ZC2HC1B: variants seen among roughly 807,000 people sequenced by gnomAD.
ZC2HC1B encodes the protein zinc finger C2HC-type containing 1B.
A neutral mutation model predicts 31.0 loss-of-function variants in ZC2HC1B; 36 were observed. The observed-to-expected ratio is 1.16, with a 90% CI of 0.89 to 1.54. The LOEUF (loss-of-function observed/expected upper bound fraction) is 1.54. Ranked by LOEUF, ZC2HC1B falls within the 40% of genes most tolerant of loss-of-function variation. ZC2HC1B has a pLI of 0.00. For synonymous variants in ZC2HC1B, 73 were observed against 88.0 expected, an observed-to-expected ratio of 0.83 and a Z score of 0.95; for missense variants, 260 against 268.6, an observed-to-expected ratio of 0.97 and a Z score of 0.22.
At position 143,922,824 on chromosome 6, in the gene ZC2HC1B, G is replaced by T. The variant is rs1354748052; in HGVS notation, c.599-14825G>T. Among the ~76,000 whole-genome samples the T allele has an allele frequency of 6.6e-6, 1 of 152,012 alleles. No individual in the cohort carries two copies. Among genetic ancestry groups the T allele is most frequent in the Non-Finnish European group, 1.5e-5 (1 of 67,974 alleles). ...TCCTGCCATAAACAAGAGGATATGGGTATCCCTTTGATATACTGATTTCCT... is the reference window on the plus strand; with the variant it reads ...TCCTGCCATAAACAAGAGGATATGGTTATCCCTTTGATATACTGATTTCCT... On this transcript the variant is annotated intron_variant, in intron 6 of 7. Coordinates refer to ENST00000237275, the MANE Select transcript of ZC2HC1B (RefSeq NM_001013623.3). The surrounding 1 kb of genome is among the most constrained non-coding windows in gnomAD (Gnocchi z 5.0).
chr6:143,914,411 A>T lies in ZC2HC1B; in HGVS notation c.598+11259A>T, dbSNP rs148647897. ...AATTTTATAGTTTTATTTCTGCTTT[A>T]TCTCACCGTGGTTGGAGAAGACACT... On this transcript the variant is annotated intron_variant, in intron 6 of 7. Transcript: ENST00000237275. Among the ~76,000 whole-genome samples, 294 of 152,250 alleles carry T rather than the reference A, an allele frequency of 1.9e-3. 6 individuals are homozygous for T. Among genetic ancestry groups the T allele is most frequent in the East Asian group, 0.013 (66 of 5,186 alleles).
chr6:143,925,832 G>A (rs912326156), intron 6 of ZC2HC1B, among the ~76,000 whole-genome samples: 1 of 152,044 alleles, frequency 6.6e-6, no homozygotes, highest in African/African-American at 2.4e-5. Flanking sequence ...ACGGTGCCCA[G>A]CCCTGATTTA....
intron 6 of ZC2HC1B, among the ~76,000 whole-genome samples, chr6:143,931,440 G>A (rs772390177): frequency 1.3e-5 from 2 of 151,930 alleles, no homozygotes; most frequent in African/African-American, 2.4e-5. Context: ...TGAGATTTAT[G>A]CTTTAAAGAG....
chr6:143,903,699 T>G lies in ZC2HC1B; in HGVS notation c.598+547T>G, dbSNP rs1055691393. Among the ~76,000 whole-genome samples, 1 of 152,182 alleles carries G rather than the reference T, an allele frequency of 6.6e-6. No homozygotes were observed. Among genetic ancestry groups the G allele is most frequent in the Non-Finnish European group, 1.5e-5 (1 of 68,024 alleles). ...CAGGGGATTGGTCCCAGGGCCCTAG[T>G]GGGTACCAAAACCTGAGATGTTGAA... On this transcript the variant is annotated intron_variant, in intron 6 of 7. Coordinates refer to ENST00000237275, the MANE Select transcript of ZC2HC1B (RefSeq NM_001013623.3). This position sits in a 1 kb window ranked among gnomAD's most constrained non-coding sequence, Gnocchi z 4.3.
chr6:143,935,101 C>T (rs1778160644), intron 6 of ZC2HC1B, among the ~76,000 whole-genome samples: 1 of 148,558 alleles, frequency 6.7e-6, no homozygotes, highest in South Asian at 2.2e-4. Flanking sequence ...CATCCTTAGT[C>T]CCCTAGGAGG....
At chr6:143,894,121 C>G (rs758519022) in intron 4 of ZC2HC1B, among the ~76,000 whole-genome samples, 4 of 152,060 alleles carry the variant, frequency 2.6e-5, no homozygotes, top group Admixed American at 2.6e-4. Context: ...ATTCATATAG[C>G]GTAAACTGGA....
chr6:143,888,056 T>C (rs1312589330), intron 4 of ZC2HC1B, among the ~76,000 whole-genome samples: 1 of 152,152 alleles, frequency 6.6e-6, no homozygotes, highest in African/African-American at 2.4e-5. Context: ...TTTAGATTTT[T>C]TAAAATCTAT....
intron 6 of ZC2HC1B, among the ~76,000 whole-genome samples, chr6:143,928,916 G>C (rs949218325): frequency 2.7e-5 from 4 of 150,310 alleles, no homozygotes; most frequent in African/African-American, 9.8e-5. Context: ...GTATAGAAAT[G>C]CTACTGATTT....
Position 143,911,310 on chromosome 6 carries a change from T to A in ZC2HC1B, c.598+8158T>A, listed in dbSNP as rs1777853020. 6.6e-6 allele frequency among the ~76,000 whole-genome samples: 1 copy of A among 152,232 alleles called. No individual in the cohort carries two copies. Among genetic ancestry groups the A allele is most frequent in the Non-Finnish European group, 1.5e-5 (1 of 68,042 alleles). ...TTAGTATTGTTATGTGTGAATTAGA[T>A]CCTGTCATCATGATGCTAGTTAGTT... On this transcript the variant is annotated intron_variant, in intron 6 of 7. Coordinates refer to ENST00000237275, the MANE Select transcript of ZC2HC1B (RefSeq NM_001013623.3). The surrounding 1 kb of genome is among the most constrained non-coding windows in gnomAD (Gnocchi z 4.5).
chr6:143,882,356 A>T (rs1482996665), intron 1 of ZC2HC1B, among the ~76,000 whole-genome samples: 2 of 138,548 alleles, frequency 1.4e-5, no homozygotes, highest in African/African-American at 5.7e-5. Flanking sequence ...ATATATATAT[A>T]TATATATATA....
chr6:143,882,138 C>A (rs568691850), intron 1 of ZC2HC1B, among the ~76,000 whole-genome samples: 1 of 151,408 alleles, frequency 6.6e-6, no homozygotes, highest in South Asian at 2.1e-4. Flanking sequence ...TAGTACTAAC[C>A]CTGTCTTATA....
At chr6:143,888,021 T>C (rs532680151) in intron 4 of ZC2HC1B, among the ~76,000 whole-genome samples, 2 of 152,264 alleles carry the variant, frequency 1.3e-5, no homozygotes, top group South Asian at 4.1e-4. Flanking sequence ...GCCCATGCTT[T>C]CTTCTTTTAG....
In ZC2HC1B at chr6:143,886,661, T is replaced by C. The variant is rs1260485202; in HGVS notation, c.211-22T>C. 2.6e-6 allele frequency: 4 copies of C among 1,514,944 alleles called. No individual in the cohort carries two copies. Among genetic ancestry groups the C allele is most frequent in the Non-Finnish European group, 2.6e-6 (3 of 1,132,272 alleles). 93.8% of individuals were successfully genotyped at this position (1,514,944 alleles called of 1,614,324 possible). ...AGAGGTATATAGTCTAGGGTATTAT[T>C]TGTTGGTTTTATTTTTTACAGTCTC... On this transcript the variant is annotated intron_variant, in intron 3 of 7. Coordinates refer to ENST00000237275, the MANE Select transcript of ZC2HC1B (RefSeq NM_001013623.3). This position sits in a 1 kb window ranked among gnomAD's most constrained non-coding sequence, Gnocchi z 4.2.
At chr6:143,935,826 T>G (rs1289192351) in intron 6 of ZC2HC1B, among the ~76,000 whole-genome samples, 1 of 151,950 alleles carries the variant, frequency 6.6e-6, no homozygotes, top group African/African-American at 2.4e-5. Context: ...AGATAATTTT[T>G]TTTATTTGTA....
At position 143,899,611 on chromosome 6, in the gene ZC2HC1B, A is replaced by G. The variant is rs1474910875; in HGVS notation, c.489+920A>G. 6.6e-6 allele frequency among the ~76,000 whole-genome samples: 1 copy of G among 152,170 alleles called. No homozygotes were observed. Among genetic ancestry groups the G allele is most frequent in the Non-Finnish European group, 1.5e-5 (1 of 68,038 alleles). On this transcript the variant is annotated intron_variant, in intron 5 of 7. Transcript: ENST00000237275. This position sits in a 1 kb window ranked among gnomAD's most constrained non-coding sequence, Gnocchi z 5.0. The stretch of plus-strand genomic sequence containing the variant: ...AGGCTGGTCTCAAACTCCTGGGCCC[A>G]AGCAATCTGCCCTCTTCAGCCTCCC...
rs1006242624 is a variant in ZC2HC1B, at chr6:143,922,457, C to T, written c.599-15192C>T. Among the ~76,000 whole-genome samples, 6 of 152,192 alleles carry T rather than the reference C, an allele frequency of 3.9e-5. No homozygotes were observed. The highest frequency in any genetic ancestry group is 2.6e-4 in the Admixed American group (4 of 15,284). ...ACTGTATTTCGTACCTACTAACCAA[C>T]CTCTCCACCAGCACCCTGCCACACA... On this transcript the variant is annotated intron_variant, in intron 6 of 7. Transcript: ENST00000237275. The surrounding 1 kb of genome is among the most constrained non-coding windows in gnomAD (Gnocchi z 5.0).
intron 4 of ZC2HC1B, among the ~76,000 whole-genome samples, chr6:143,891,810 T>C (rs929580887): frequency 7.2e-5 from 11 of 152,002 alleles, no homozygotes; most frequent in African/African-American, 2.7e-4. Flanking sequence ...AAGCACAAAA[T>C]TGGAGTATTT....
In ZC2HC1B at chr6:143,878,919, T is replaced by C. The variant is rs538727351; in HGVS notation, c.29-5385T>C. Among the ~76,000 whole-genome samples the C allele has an allele frequency of 4.6e-5, 7 of 152,324 alleles. No individual in the cohort carries two copies. In the South Asian group the frequency reaches 8.3e-4, roughly 18 times the overall value. Reference sequence around the variant, plus strand: ...TTCAGACATGCCTTATATTGACTAATGCACAGACTGCATATTTTTTCCTTT... The same window carrying C: ...TTCAGACATGCCTTATATTGACTAACGCACAGACTGCATATTTTTTCCTTT... On this transcript the variant is annotated intron_variant, in intron 1 of 7. Transcript: ENST00000237275.
chr6:143,898,263 C>A (rs1310718802), intron 4 of ZC2HC1B, among the ~76,000 whole-genome samples: 2 of 152,048 alleles, frequency 1.3e-5, no homozygotes, highest in Non-Finnish European at 2.9e-5. Flanking sequence ...CTGACTGCAG[C>A]CTTGACCTTC....
Sources: gnomAD v4.1 joint callset for allele counts (sites outside exome capture counted in the v4.1 genomes callset) on GRCh38, gnomAD v4.1.1 for gene constraint, Gnocchi (gnomAD v3.1) non-coding constraint, MANE v1.5 for transcripts, NCBI Gene and HGNC (gene_info 2026-07-23, HGNC 2026-07-21) for gene names.